The following NNT variants were observed in gnomAD, a reference collection of about 807,000 sequenced individuals.
The protein encoded by NNT is NAD(P) transhydrogenase, mitochondrial.
Under a neutral mutation model 104.8 loss-of-function variants are expected in NNT, and 50 were observed. The observed-to-expected ratio is 0.48, with a 90% CI of 0.38 to 0.60. The LOEUF (loss-of-function observed/expected upper bound fraction) is 0.60, where lower values mean the gene tolerates loss of function less well. Among genes scored for constraint, NNT ranks in the 20% least tolerant of loss-of-function variants. NNT has a pLI of 0.00. For synonymous variants in NNT, 461 were observed against 490.4 expected, an observed-to-expected ratio of 0.94 and a Z score of 0.79; for missense variants, 1,131 against 1,330.7, an observed-to-expected ratio of 0.85 and a Z score of 2.33.
At chr5:43,639,630 G>A (rs1027265357) in intron 7 of NNT, among the ~76,000 whole-genome samples, 2 of 152,078 alleles carry the variant, frequency 1.3e-5, no homozygotes, top group Non-Finnish European at 2.9e-5. Flanking sequence ...CTGCATATGG[G>A]AGGCACTAAA....
At chr5:43,666,081 C>G (rs974397259) in intron 17 of NNT, among the ~76,000 whole-genome samples, 2 of 150,080 alleles carry the variant, frequency 1.3e-5, no homozygotes, top group South Asian at 4.3e-4. Context: ...GGATGACGGC[C>G]GGGAAGAGGC....
At chr5:43,637,797 A>G (rs925172420) in intron 7 of NNT, among the ~76,000 whole-genome samples, 2 of 152,116 alleles carry the variant, frequency 1.3e-5, no homozygotes, top group Admixed American at 1.3e-4. Flanking sequence ...TGATTGATTT[A>G]TGACCATTTC....
chr5:43,706,977 G>A lies in NNT; in HGVS notation c.*2573G>A, dbSNP rs1370244178. On this transcript the variant is annotated 3_prime_UTR_variant, in exon 22 of 22. Transcript: ENST00000344920. ...ACACACCAGGGCCTGTCATGGGGTG[G>A]GGGGAGTGGGGAGGGATAGCATTAG... 6 of 152,240 alleles carry A rather than the reference G, an allele frequency of 3.9e-5. No homozygotes were observed. Among genetic ancestry groups the A allele is most frequent in the Non-Finnish European group, 8.8e-5 (6 of 68,098 alleles). The allele number at this position is 152,240 out of a possible 1,614,324, so 9.4% of individuals were successfully genotyped here. A position where few individuals can be genotyped will look rare whatever the true frequency, so the allele number is the denominator to read the frequency against.
At chr5:43,630,777 A>G (rs1225889199) in intron 7 of NNT, among the ~76,000 whole-genome samples, 2 of 152,276 alleles carry the variant, frequency 1.3e-5, no homozygotes, top group South Asian at 2.1e-4. Flanking sequence ...TTATTGAATA[A>G]TGAATACCAT....
At chr5:43,613,296 C>A in intron 3 of NNT, 159 bp downstream of exon 3, 1 of 604,080 alleles carries the variant, frequency 1.7e-6, no homozygotes, top group Non-Finnish European at 2.9e-6. Flanking sequence ...ATTCTTCATG[C>A]TCCAGTAAAA....
Position 43,650,504 on chromosome 5 carries a change from T to C in NNT, c.1634T>C (p.Leu545Pro). 6.2e-7 allele frequency: 1 copy of C among 1,614,164 alleles called. No individual in the cohort carries two copies. The highest frequency in any genetic ancestry group is 8.5e-7 in the Non-Finnish European group (1 of 1,180,012). The change falls in exon 12 of 22, where the codon CTG (leucine) becomes CCG (proline). Residue 545 changes from leucine (L) to proline (P), a missense_variant. Transcript: ENST00000344920. ...SGLTAVGGLA[L>P]MGGHLYPSTT... ...CTGACTGCAGTTGGTGGGTTGGCAC[T>C]GATGGGAGGACATTTGTATCCTTCC...
chr5:43,679,345 A>G (rs1031252302), intron 19 of NNT, among the ~76,000 whole-genome samples: 5 of 152,254 alleles, frequency 3.3e-5, no homozygotes, highest in African/African-American at 1.2e-4. Flanking sequence ...GGCAATCATA[A>G]TAGAGAAAGA....
Position 43,628,161 on chromosome 5 carries a change from C to T in NNT, c.777-39C>T, listed in dbSNP as rs778348769. 2.8e-6 allele frequency: 4 copies of T among 1,448,726 alleles called. No homozygotes were observed. The East Asian group carries it at 1.0e-4, about 36-fold the overall frequency. 89.7% of individuals were successfully genotyped at this position (1,448,726 alleles called of 1,614,324 possible). A position where few individuals can be genotyped will look rare whatever the true frequency, so the allele number is the denominator to read the frequency against. ...ATGATCTTGACTTCTTTATTAGGGC[C>T]TGAAATAACTACTCTTTCCACTTTA... On this transcript the variant is annotated intron_variant, in intron 6 of 21. Coordinates refer to ENST00000344920, the MANE Select transcript of NNT (RefSeq NM_182977.3).
chr5:43,691,850 C>T (rs1043735817), intron 19 of NNT, among the ~76,000 whole-genome samples: 5 of 152,192 alleles, frequency 3.3e-5, no homozygotes, highest in African/African-American at 1.2e-4. Flanking sequence ...TGTTGGAGCA[C>T]AATCTCTGTG....
intron 14 of NNT, 130 bp downstream of exon 14, chr5:43,653,343 A>G: frequency 1.2e-6 from 1 of 845,440 alleles, no homozygotes; most frequent in Non-Finnish European, 1.8e-6. Context: ...TTTGGTGAAA[A>G]TTCATTCCAG....
intron 7 of NNT, among the ~76,000 whole-genome samples, chr5:43,629,452 C>G (rs142503709): frequency 2.0e-5 from 3 of 152,252 alleles, no homozygotes; most frequent in Non-Finnish European, 4.4e-5. Context: ...TATGCAATGT[C>G]TTTTCTATAT....
At chr5:43,685,211 C>G (rs903951275) in intron 19 of NNT, among the ~76,000 whole-genome samples, 2 of 152,016 alleles carry the variant, frequency 1.3e-5, no homozygotes, top group African/African-American at 4.8e-5. Flanking sequence ...AACAAATGAG[C>G]CTTCTTTTTA....
intron 19 of NNT, among the ~76,000 whole-genome samples, chr5:43,693,694 G>A (rs1345357527): frequency 2.0e-5 from 3 of 152,036 alleles, no homozygotes; most frequent in African/African-American, 7.2e-5. Flanking sequence ...AAACAATCTT[G>A]TTTCTAGAGA....
chr5:43,675,826 G>C (rs1327029085), intron 18 of NNT, among the ~76,000 whole-genome samples, 156 bp downstream of exon 18: 2 of 152,056 alleles, frequency 1.3e-5, no homozygotes, highest in African/African-American at 4.8e-5. Context: ...GAAAAATACT[G>C]AGAATTCTCA....
In NNT at chr5:43,644,744, A is replaced by G. The variant is rs1188026009; in HGVS notation, c.1232A>G (p.Lys411Arg). ...AAAGATAATTTTTATTTTGATGTGAAAGATGACTTTGACTTTGGTACGATG... is the reference window on the plus strand; with the variant it reads ...AAAGATAATTTTTATTTTGATGTGAGAGATGACTTTGACTTTGGTACGATG... Reference protein sequence around the residue: ...PDKDNFYFDVKDDFDFGTMGH... With the variant: ...PDKDNFYFDVRDDFDFGTMGH... Residue 411 changes from lysine (K) to arginine (R), a missense_variant, in exon 9 of 22, where the codon AAA becomes AGA. Coordinates refer to ENST00000344920, the MANE Select transcript of NNT (RefSeq NM_182977.3). The G allele has an allele frequency of 3.7e-6, 6 of 1,614,222 alleles. No homozygotes were observed.
Position 43,650,564 on chromosome 5 carries a change from T to A in NNT, c.1694T>A (p.Phe565Tyr). The A allele has an allele frequency of 6.2e-7, 1 of 1,613,712 alleles. No homozygotes were observed. Among genetic ancestry groups the A allele is most frequent in the Non-Finnish European group, 8.5e-7 (1 of 1,179,590 alleles). ...CAGGGCCTTGCTGCTCTTGCTGCAT[T>A]CATATCCTCTGTCAACATTGCAGGT... is the stretch of plus-strand genomic sequence containing the variant. ...TSQGLAALAA[F>Y]ISSVNIAGGF... The change falls in exon 12 of 22, where the codon TTC becomes TAC. Residue 565 changes from phenylalanine (F) to tyrosine (Y), a missense_variant. Phe to Tyr is a conservative substitution (Grantham distance 22). Transcript: ENST00000344920.
In NNT at chr5:43,649,222, T is replaced by C; in HGVS notation, c.1520T>C (p.Leu507Ser). ...AFSQMVTTFG[L>S]AGIVGYHTVW... ...TCTCAGATGGTGACCACTTTTGGCT[T>C]GGCTGGCATTGTGGGGTATCATACC... Residue 507 changes from leucine to serine, a missense_variant, in exon 11 of 22, where the codon TTG becomes TCG. By Grantham distance (145) the Leu-to-Ser change is moderately radical (BLOSUM62 -2). Coordinates refer to ENST00000344920, the MANE Select transcript of NNT (RefSeq NM_182977.3). 1.2e-6 allele frequency: 2 copies of C among 1,614,200 alleles called. No homozygotes were observed. The highest frequency in any genetic ancestry group is 1.7e-6 in the Non-Finnish European group (2 of 1,180,030).
In NNT at chr5:43,700,070, C is replaced by T. The variant is rs201761974; in HGVS notation, c.2877-49C>T. 11 of 1,448,818 alleles carry T rather than the reference C, an allele frequency of 7.6e-6. No individual in the cohort carries two copies. In the East Asian group the frequency reaches 1.1e-4, roughly 15 times the overall value. The allele number at this position is 1,448,818 out of a possible 1,614,324, so 89.7% of individuals were successfully genotyped here. ...TGGAGGTGATATTGGGGTCTCTGTA[C>T]ATTATGTCCTGTCAAGTAAGGCCAG... On this transcript the variant is annotated intron_variant, in intron 19 of 21. Transcript: ENST00000344920.
upstream of NNT, chr5:43,603,165 C>T (rs1208612159): frequency 6.6e-6 from 1 of 152,656 alleles, no homozygotes; most frequent in African/African-American, 2.4e-5. Flanking sequence ...GGCCGCCCGC[C>T]GCCGCGGAGT....
Sources: allele counts gnomAD v4.1 joint callset (sites outside exome capture counted in the v4.1 genomes callset), GRCh38; gene constraint gnomAD v4.1.1; transcripts MANE v1.5; gene names NCBI Gene and HGNC (gene_info 2026-07-23, HGNC 2026-07-21).